Variants in BRAF observed in about 807,000 individuals in gnomAD.
BRAF encodes serine/threonine-protein kinase B-raf.
BRAF carries 16 observed loss-of-function variants against 104.6 expected under a neutral mutation model. The ratio of observed to expected loss-of-function variants is 0.15; its 90% CI spans 0.10 to 0.23. BRAF has a LOEUF of 0.23. Ranked by LOEUF, BRAF falls within the 10% of genes least tolerant of loss-of-function variation. The pLI, the probability that BRAF is intolerant of heterozygous loss-of-function variation, is 1.00. For synonymous variants in BRAF, 310 were observed against 341.6 expected, an observed-to-expected ratio of 0.91 and a Z score of 1.02; for missense variants, 541 against 937.3, an observed-to-expected ratio of 0.58 and a Z score of 5.52.
At chr7:140,762,545 A>G (rs1367162193) in intron 14 of BRAF, among the ~76,000 whole-genome samples, 2 of 151,304 alleles carry the variant, frequency 1.3e-5, no homozygotes, top group Non-Finnish European at 2.9e-5. Flanking sequence ...AAATCAGAGC[A>G]GAACTGAAGG....
At chr7:140,739,536 G>A (rs997105213) in intron 18 of BRAF, among the ~76,000 whole-genome samples, 4 of 149,918 alleles carry the variant, frequency 2.7e-5, no homozygotes, top group African/African-American at 4.9e-5. Context: ...GGGGGTCTTC[G>A]ATAATTTTTA....
At chr7:140,923,304 C>T (rs1230249788) in intron 1 of BRAF, among the ~76,000 whole-genome samples, 8 of 152,082 alleles carry the variant, frequency 5.3e-5, no homozygotes, top group Non-Finnish European at 1.0e-4. Flanking sequence ...AGTCACATTA[C>T]CTAATCAATA....
At chr7:140,766,014 G>A (rs1490265918) in intron 14 of BRAF, among the ~76,000 whole-genome samples, 1 of 150,740 alleles carries the variant, frequency 6.6e-6, no homozygotes, top group Non-Finnish European at 1.5e-5. Context: ...TGTTTATTGC[G>A]GCACTATTCA....
Position 140,830,736 on chromosome 7 carries a change from T to C in BRAF, c.504+3873A>G, listed in dbSNP as rs560138095. On this transcript the variant is annotated intron_variant, in intron 3 of 19. Transcript: ENST00000644969. ...TTCCATAAAAATCACTGAAATGCAATGTTCCTAGAGCTTCCAGGGTGCTGA... is the reference window on the plus strand; with the variant it reads ...TTCCATAAAAATCACTGAAATGCAACGTTCCTAGAGCTTCCAGGGTGCTGA... Among the ~76,000 whole-genome samples, 7 of 152,308 alleles carry C rather than the reference T, an allele frequency of 4.6e-5. No individual in the cohort carries two copies. The South Asian group carries it at 1.2e-3, about 27-fold the overall frequency.
chr7:140,883,519 C>T (rs370760720), intron 1 of BRAF, among the ~76,000 whole-genome samples: 17 of 152,310 alleles, frequency 1.1e-4, no homozygotes, highest in African/African-American at 3.6e-4. Flanking sequence ...TAAAACTCTA[C>T]CCCATCCCTA....
intron 3 of BRAF, among the ~76,000 whole-genome samples, chr7:140,818,279 T>C (rs1288568906): frequency 1.3e-5 from 2 of 152,062 alleles, no homozygotes; most frequent in Admixed American, 6.5e-5. Context: ...CTGTTTAATA[T>C]ATTGTCCTTT....
chr7:140,853,155 T>C (rs1809371122), intron 1 of BRAF, among the ~76,000 whole-genome samples: 1 of 151,290 alleles, frequency 6.6e-6, no homozygotes, highest in African/African-American at 2.4e-5. Flanking sequence ...ACGCCTGTAA[T>C]CTCAGCACTT....
intron 1 of BRAF, among the ~76,000 whole-genome samples, chr7:140,877,748 G>GA (rs1289612461): frequency 6.6e-6 from 1 of 151,796 alleles, no homozygotes; most frequent in Non-Finnish European, 1.5e-5. Flanking sequence ...CAAAATGTTA[G>GA]AAAAAAATGA....
chr7:140,836,208 A>C (rs1490186405), intron 2 of BRAF: 10 of 152,234 alleles, frequency 6.6e-5, no homozygotes. Flanking sequence ...CAAAAGATCA[A>C]TATATGTTTG....
At chr7:140,860,640 G>C (rs1810322935) in intron 1 of BRAF, among the ~76,000 whole-genome samples, 1 of 152,118 alleles carries the variant, frequency 6.6e-6, no homozygotes, top group South Asian at 2.1e-4. Flanking sequence ...AACAGAGCAA[G>C]ACCTTGTCTC....
intron 19 of BRAF, among the ~76,000 whole-genome samples, chr7:140,728,635 C>T (rs1342886292): frequency 1.3e-5 from 2 of 151,634 alleles, no homozygotes; most frequent in Non-Finnish European, 2.9e-5. Flanking sequence ...TATGGTAACA[C>T]ACTCCAGAAA....
intron 14 of BRAF, 135 bp from the exon 14 acceptor site, chr7:140,754,368 C>T (rs1798032941): frequency 1.3e-6 from 1 of 751,690 alleles, no homozygotes; most frequent in Admixed American, 2.0e-5. Context: ...GTAATAAACC[C>T]TTCACAGAAT....
chr7:140,734,077 T>TATA, intron 19 of BRAF: 1 of 1,036,024 alleles, frequency 9.7e-7, no homozygotes, highest in Non-Finnish European at 1.2e-6. Flanking sequence ...TCCAAATTGT[T>TATA]ATAAAAAGAA....
chr7:140,814,761 ATAT>A (rs1167429633), intron 3 of BRAF, among the ~76,000 whole-genome samples: 1 of 142,582 alleles, frequency 7.0e-6, no homozygotes. Context: ...TATAACATAT[ATAT>A]TATATATAAC....
chr7:140,819,551 G>A (rs1029723783), intron 3 of BRAF, among the ~76,000 whole-genome samples: 1 of 152,156 alleles, frequency 6.6e-6, no homozygotes, highest in Non-Finnish European at 1.5e-5. Flanking sequence ...CAGCAGCATT[G>A]CTCATAACAG....
intron 17 of BRAF, among the ~76,000 whole-genome samples, chr7:140,743,855 C>T (rs906759008): frequency 3.9e-5 from 6 of 152,130 alleles, no homozygotes; most frequent in Non-Finnish European, 7.4e-5. Context: ...GAATGGGTAA[C>T]GAGTCTGTTG....
At chr7:140,744,035 T>C (rs1290628200) in intron 17 of BRAF, among the ~76,000 whole-genome samples, 1 of 152,250 alleles carries the variant, frequency 6.6e-6, no homozygotes, top group Non-Finnish European at 1.5e-5. Context: ...AAGAGAGAGC[T>C]AGCCTTTGCT....
At chr7:140,910,720 G>C (rs1182706554) in intron 1 of BRAF, among the ~76,000 whole-genome samples, 2 of 152,044 alleles carry the variant, frequency 1.3e-5, no homozygotes, top group South Asian at 2.1e-4. Flanking sequence ...TGTCACCCAG[G>C]CAGGAGTGCA....
At chr7:140,813,133 A>C (rs1804464179) in intron 3 of BRAF, among the ~76,000 whole-genome samples, 1 of 152,204 alleles carries the variant, frequency 6.6e-6, no homozygotes, top group Non-Finnish European at 1.5e-5. Flanking sequence ...ATGGTGAAAA[A>C]TATATTTGCA....
Sources: gnomAD v4.1 joint callset for allele counts (sites outside exome capture counted in the v4.1 genomes callset) on GRCh38, gnomAD v4.1.1 for gene constraint, MANE v1.5 for transcripts, NCBI Gene and HGNC (gene_info 2026-07-23, HGNC 2026-07-21) for gene names.